Variants in DENND4C observed in about 807,000 individuals in gnomAD.
The protein encoded by DENND4C is DENN domain-containing protein 4C.
In DENND4C, 108 loss-of-function variants were observed where a neutral mutation model predicts 203.0. The ratio of observed to expected loss-of-function variants is 0.53; its 90% CI spans 0.46 to 0.62. The LOEUF (loss-of-function observed/expected upper bound fraction) is 0.62. Ranked by LOEUF, DENND4C falls within the 20% of genes least tolerant of loss-of-function variation. The pLI is 0.00. For missense variants in DENND4C, 2,481 were observed against 2,301.2 expected (o/e 1.08, Z -1.60); for synonymous variants, 871 against 792.4 (o/e 1.10, Z -1.67).
In DENND4C at chr9:19,347,096, C is replaced by T; in HGVS notation, c.4317+10C>T. 1 of 1,607,126 alleles carries T rather than the reference C, an allele frequency of 6.2e-7. No individual in the cohort carries two copies. Among genetic ancestry groups the T allele is most frequent in the East Asian group, 2.2e-5 (1 of 44,800 alleles). ...CTACTCAGATGATGAGGTAAGAAAG[C>T]TTTATGTGTGTAGTCTGTCTGCTAT... On this transcript the variant is annotated intron_variant, in intron 23 of 32. Transcript: ENST00000434457.
Position 19,332,192 on chromosome 9 carries a change from T to C in DENND4C, c.2460+8T>C, listed in dbSNP as rs1408300663. The C allele has an allele frequency of 1.9e-6, 3 of 1,610,576 alleles. No homozygotes were observed. The African/African-American group carries it at 4.0e-5, about 22-fold the overall frequency. On this transcript the variant is annotated splice_region_variant and intron_variant, in intron 17 of 32. Coordinates refer to ENST00000434457, the MANE Select transcript of DENND4C (RefSeq NM_001330640.2). ...GTGGATCCCTTAGATGAGGCAAGTA[T>C]AACAAATTGACATTGTTTCTAAGGT...
chr9:19,234,601 T>C (rs571213293), intron 1 of DENND4C, among the ~76,000 whole-genome samples: 2 of 143,850 alleles, frequency 1.4e-5, no homozygotes, highest in Admixed American at 1.5e-4. Flanking sequence ...GCATCTCAGC[T>C]CACTGCAGCC....
chr9:19,352,047 G>T (rs749526879), intron 24 of DENND4C, 26 bp from the exon 25 acceptor site: 4 of 1,579,494 alleles, frequency 2.5e-6, no homozygotes, highest in South Asian at 1.1e-5. Context: ...CTTACTTAAG[G>T]TATTACGATG....
At chr9:19,283,730 G>T (rs572934325) in intron 2 of DENND4C, among the ~76,000 whole-genome samples, 3 of 150,174 alleles carry the variant, frequency 2.0e-5, no homozygotes, top group East Asian at 3.9e-4. Context: ...CCAGTAGCTG[G>T]GACTACAGGC....
intron 30 of DENND4C, among the ~76,000 whole-genome samples, chr9:19,363,315 A>G (rs1826893564): frequency 6.6e-6 from 1 of 151,972 alleles, no homozygotes; most frequent in South Asian, 2.1e-4. Flanking sequence ...GGAGTTCAAG[A>G]CCAGCATGGC....
At chr9:19,275,637 A>C (rs559420679) in intron 1 of DENND4C, among the ~76,000 whole-genome samples, 1 of 151,686 alleles carries the variant, frequency 6.6e-6, no homozygotes, top group Admixed American at 6.6e-5. Flanking sequence ...GGCTCAGCTA[A>C]ATTTTTGTAT....
At chr9:19,324,656 A>G (rs1843428659) in intron 13 of DENND4C, 149 bp downstream of exon 13, 1 of 778,556 alleles carries the variant, frequency 1.3e-6, no homozygotes, top group Non-Finnish European at 2.0e-6. Context: ...TGGGCTGAAT[A>G]TATGAATAAA....
At chr9:19,251,151 C>A (rs1427277554) in intron 1 of DENND4C, among the ~76,000 whole-genome samples, 2 of 152,248 alleles carry the variant, frequency 1.3e-5, no homozygotes, top group Admixed American at 6.5e-5. Flanking sequence ...CATTTCCATA[C>A]ATCCTCTGAA....
At chr9:19,274,874 G>A (rs892637561) in intron 1 of DENND4C, among the ~76,000 whole-genome samples, 1 of 152,144 alleles carries the variant, frequency 6.6e-6, no homozygotes, top group Non-Finnish European at 1.5e-5. Flanking sequence ...TTAGCTCTAA[G>A]ACTCCTGTAA....
At chr9:19,302,534 C>G (rs983130944) in intron 9 of DENND4C, among the ~76,000 whole-genome samples, 1 of 151,862 alleles carries the variant, frequency 6.6e-6, no homozygotes, top group Non-Finnish European at 1.5e-5. Flanking sequence ...TGTAACATAC[C>G]TTTTGTTGAA....
chr9:19,332,310 T>TA, intron 17 of DENND4C, 126 bp downstream of exon 17: 1 of 698,344 alleles, frequency 1.4e-6, no homozygotes, highest in East Asian at 2.7e-5. Context: ...GTAAAACTAT[T>TA]ACTGTTTCAT....
In DENND4C at chr9:19,352,136, C is replaced by T; in HGVS notation, c.4559C>T (p.Ser1520Phe). Residue 1520 changes from serine (S) to phenylalanine (F), a missense_variant, in exon 25 of 33, where the codon TCT (serine) becomes TTT (phenylalanine). This residue lies in a region of DENND4C where 2,289 missense variants were observed against 2,113.3 expected (regional missense o/e 1.08). Coordinates refer to ENST00000434457, the MANE Select transcript of DENND4C (RefSeq NM_001330640.2). The part of the protein sequence containing the change: ...QDFEKSDHGS[S>F]QNTSMSSIYQ... ...TTTGAAAAATCAGATCATGGTTCTTCTCAAAATACCAGCATGTCTAGCATC... is the reference window on the plus strand; with the variant it reads ...TTTGAAAAATCAGATCATGGTTCTTTTCAAAATACCAGCATGTCTAGCATC... 1 of 1,613,886 alleles carries T rather than the reference C, an allele frequency of 6.2e-7. No individual in the cohort carries two copies. The highest frequency in any genetic ancestry group is 8.5e-7 in the Non-Finnish European group (1 of 1,179,916).
chr9:19,249,573 A>G (rs998234413), intron 1 of DENND4C, among the ~76,000 whole-genome samples: 13 of 152,048 alleles, frequency 8.5e-5, no homozygotes, highest in African/African-American at 3.1e-4. Flanking sequence ...GTAATTTTTT[A>G]ACAAACACAA....
Position 19,360,345 on chromosome 9 carries a change from T to C in DENND4C, c.5262T>C (p.Gly1754=). The change falls in exon 29 of 33, where the codon GGT becomes GGC. Residue 1754 remains glycine (G), a synonymous_variant. Coordinates refer to ENST00000434457, the MANE Select transcript of DENND4C (RefSeq NM_001330640.2). ...TTGAATCTTTGCTAGAAAATGAAGG[T>C]GATCAGGTGATTCATACATCTTCTT... is the stretch of plus-strand genomic sequence containing the variant. ...KELESLLENE[G]DQVIHTSSFI... is the part of the protein sequence containing the mutation. 1.9e-6 allele frequency: 3 copies of C among 1,614,140 alleles called. No individual in the cohort carries two copies. Among genetic ancestry groups the C allele is most frequent in the Non-Finnish European group, 2.5e-6 (3 of 1,180,010 alleles).
At chr9:19,340,890 T>A in intron 20 of DENND4C, 102 bp from the exon 21 acceptor site, 1 of 1,047,810 alleles carries the variant, frequency 9.5e-7, no homozygotes, top group Non-Finnish European at 1.3e-6. Context: ...TCCTTTTGTC[T>A]AACCGTAATT....
intron 1 of DENND4C, among the ~76,000 whole-genome samples, chr9:19,245,716 C>T (rs1288522639): frequency 6.6e-6 from 1 of 151,978 alleles, no homozygotes; most frequent in African/African-American, 2.4e-5. Context: ...ACTAGCCAGG[C>T]GTGGTGGCAT....
At chr9:19,277,026 T>A (rs535012124) in intron 2 of DENND4C, among the ~76,000 whole-genome samples, 2 of 152,152 alleles carry the variant, frequency 1.3e-5, no homozygotes, top group African/African-American at 2.4e-5. Flanking sequence ...TGTAAATGCC[T>A]ACAAAGGTCC....
chr9:19,269,188 G>T (rs1486751357), intron 1 of DENND4C, among the ~76,000 whole-genome samples: 3 of 151,926 alleles, frequency 2.0e-5, no homozygotes, highest in Admixed American at 2.0e-4. Flanking sequence ...TTGAGATGGA[G>T]TTTCGCTTTT....
chr9:19,263,073 C>G (rs1370304320), intron 1 of DENND4C, among the ~76,000 whole-genome samples: 1 of 152,114 alleles, frequency 6.6e-6, no homozygotes, highest in African/African-American at 2.4e-5. Flanking sequence ...TGTTATGGGT[C>G]TGTTGTATAT....
Sources: gnomAD v4.1 joint callset for allele counts (sites outside exome capture counted in the v4.1 genomes callset) on GRCh38, gnomAD v4.1.1 for gene constraint, gnomAD v4.1.1 regional missense constraint, MANE v1.5 for transcripts, NCBI Gene and HGNC (gene_info 2026-07-23, HGNC 2026-07-21) for gene names.